Variants in SLC71A2 observed in about 807,000 individuals in gnomAD.
SLC71A2 encodes hippocampus abundant transcript-like 1.
At chr9:94,443,188 A>G in the SLC71A2 span, among the ~76,000 whole-genome samples, 1 of 152,164 alleles carries the variant, frequency 6.6e-6, no homozygotes, top group Non-Finnish European at 1.5e-5. Context: ...TCCTCATTGT[A>G]TAATGGCAGT....
At chr9:94,402,512 T>A in the SLC71A2 span, among the ~76,000 whole-genome samples, 1 of 152,324 alleles carries the variant, frequency 6.6e-6, no homozygotes, top group Admixed American at 6.5e-5. Flanking sequence ...TCACTCTCCA[T>A]CTCTCCCTTT....
the SLC71A2 span, among the ~76,000 whole-genome samples, chr9:94,413,386 T>C: frequency 6.6e-6 from 1 of 152,186 alleles, no homozygotes; most frequent in African/African-American, 2.4e-5. Context: ...ACAGGAACTC[T>C]TGGTTTTTGC....
chr9:94,377,876 G>A, the SLC71A2 span, among the ~76,000 whole-genome samples: 5 of 152,134 alleles, frequency 3.3e-5, no homozygotes, highest in Non-Finnish European at 5.9e-5. Context: ...GGAGGCTGAC[G>A]TGGGCGGATC....
chr9:94,406,216 C>T, the SLC71A2 span, among the ~76,000 whole-genome samples: 7 of 150,816 alleles, frequency 4.6e-5, no homozygotes, highest in East Asian at 3.9e-4. Context: ...CACAGGTGTG[C>T]GCCAGCACGT....
the SLC71A2 span, among the ~76,000 whole-genome samples, chr9:94,455,150 TCTTTC>T: frequency 7.5e-6 from 1 of 133,418 alleles, no homozygotes. Flanking sequence ...ATCCGCTTGC[TCTTTC>T]CTTTTTTTTT....
chr9:94,388,093 G>A, the SLC71A2 span, among the ~76,000 whole-genome samples: 2 of 152,110 alleles, frequency 1.3e-5, no homozygotes, highest in South Asian at 4.2e-4. Flanking sequence ...TGCAGTAGAA[G>A]TACAGAAACT....
the SLC71A2 span, chr9:94,458,554 T>C: frequency 1.6e-6 from 2 of 1,251,442 alleles, no homozygotes; most frequent in South Asian, 2.5e-5. Flanking sequence ...GCATTCTTTC[T>C]TGTATGTTAC....
At chr9:94,443,820 G>C in the SLC71A2 span, among the ~76,000 whole-genome samples, 11 of 152,120 alleles carry the variant, frequency 7.2e-5, no homozygotes, top group African/African-American at 2.4e-4. Context: ...TTATTTGGTT[G>C]CCCTGATATT....
At chr9:94,442,845 CAA>C in the SLC71A2 span, among the ~76,000 whole-genome samples, 1 of 140,230 alleles carries the variant, frequency 7.1e-6, no homozygotes, top group African/African-American at 2.6e-5. Flanking sequence ...AGACCCGCCT[CAA>C]AAAAAAAAAT....
the SLC71A2 span, among the ~76,000 whole-genome samples, chr9:94,389,774 TTTG>T: frequency 6.6e-6 from 1 of 151,946 alleles, no homozygotes; most frequent in Non-Finnish European, 1.5e-5. Flanking sequence ...GCCTGGCTAA[TTTG>T]TTATTTTTTT....
chr9:94,387,174 C>A, the SLC71A2 span, among the ~76,000 whole-genome samples: 1 of 152,074 alleles, frequency 6.6e-6, no homozygotes, highest in East Asian at 1.9e-4. Flanking sequence ...AGGGGCACTT[C>A]CTAGGAAAGG....
chr9:94,404,677 TTTAA>T, the SLC71A2 span, among the ~76,000 whole-genome samples: 3,293 of 152,248 alleles, frequency 0.022, 115 homozygotes, highest in African/African-American at 0.075. Context: ...CTTGCCTGTT[TTTAA>T]TTGAGTTGTT....
At chr9:94,458,262 C>A in the SLC71A2 span, 2 of 1,520,296 alleles carry the variant, frequency 1.3e-6, no homozygotes, top group Middle Eastern at 2.3e-4. Flanking sequence ...TACTGTGCAG[C>A]TCCAAATCTT....
chr9:94,440,067 G>A, the SLC71A2 span, among the ~76,000 whole-genome samples: 1 of 151,982 alleles, frequency 6.6e-6, no homozygotes, highest in African/African-American at 2.4e-5. Context: ...TATTCCTATT[G>A]TATCCACAGA....
At chr9:94,389,760 C>T in the SLC71A2 span, among the ~76,000 whole-genome samples, 11 of 151,944 alleles carry the variant, frequency 7.2e-5, no homozygotes, top group African/African-American at 2.7e-4. Context: ...GTGTGCACCA[C>T]CATGCCTGGC....
At chr9:94,409,579 T>C in the SLC71A2 span, among the ~76,000 whole-genome samples, 1 of 152,224 alleles carries the variant, frequency 6.6e-6, no homozygotes, top group Non-Finnish European at 1.5e-5. Flanking sequence ...AATTATTGAT[T>C]TGAGATCTTT....
chr9:94,455,378 A>ATTTTT, the SLC71A2 span, among the ~76,000 whole-genome samples: 10,311 of 85,518 alleles, frequency 0.12, 1,261 homozygotes, highest in South Asian at 0.18. Flanking sequence ...TAATATTCTG[A>ATTTTT]TTTTTTTTTT....
At chr9:94,390,190 G>A in the SLC71A2 span, among the ~76,000 whole-genome samples, 1 of 151,866 alleles carries the variant, frequency 6.6e-6, no homozygotes, top group Admixed American at 6.6e-5. Context: ...TTCCAGCCTG[G>A]GCAACAGAGC....
At chr9:94,436,525 A>G in the SLC71A2 span, among the ~76,000 whole-genome samples, 2 of 152,234 alleles carry the variant, frequency 1.3e-5, no homozygotes, top group Non-Finnish European at 2.9e-5. Flanking sequence ...TATATAAAGT[A>G]TTAATAATAA....
Sources: allele counts gnomAD v4.1 joint callset (sites outside exome capture counted in the v4.1 genomes callset), GRCh38; gene constraint gnomAD v4.1.1; transcripts MANE v1.5; gene names NCBI Gene and HGNC (gene_info 2026-07-23, HGNC 2026-07-21).